The following COL24A1 variants were observed in gnomAD, a reference collection of about 807,000 sequenced individuals.
The protein encoded by COL24A1 is collagen alpha-1(XXIV) chain.
Under a neutral mutation model 253.9 loss-of-function variants are expected in COL24A1, and 224 were observed. The ratio of observed to expected loss-of-function variants is 0.88; its 90% confidence interval spans 0.79 to 0.99. The LOEUF (loss-of-function observed/expected upper bound fraction) is 0.99. Ranked by LOEUF, COL24A1 falls within the 50% of genes least tolerant of loss-of-function variation. The pLI is 0.00. For synonymous variants in COL24A1, 685 were observed against 673.7 expected (o/e 1.02, Z -0.26); for missense variants, 2,131 against 2,068.5 (o/e 1.03, Z -0.59).
intron 47 of COL24A1, among the ~76,000 whole-genome samples, chr1:85,791,392 GATACA>G (rs1288105441): frequency 1.3e-5 from 2 of 152,126 alleles, no homozygotes; most frequent in African/African-American, 4.8e-5. Flanking sequence ...ATTCTGCTAA[GATACA>G]ATACAACTGA....
At chr1:85,942,261 G>A (rs560266356) in intron 24 of COL24A1, among the ~76,000 whole-genome samples, 1 of 152,288 alleles carries the variant, frequency 6.6e-6, no homozygotes, top group East Asian at 1.9e-4. Flanking sequence ...TTTGAGATAT[G>A]CTGCAGAAAA....
intron 1 of COL24A1, among the ~76,000 whole-genome samples, chr1:86,153,266 T>C (rs1653022912): frequency 7.0e-6 from 1 of 143,248 alleles, no homozygotes; most frequent in Admixed American, 6.9e-5. Context: ...CTCCTCTCAT[T>C]TCGTTATACT....
At chr1:85,766,415 GA>G (rs1667387643) in intron 53 of COL24A1, among the ~76,000 whole-genome samples, 1 of 129,832 alleles carries the variant, frequency 7.7e-6, no homozygotes, top group South Asian at 2.6e-4. Flanking sequence ...AAAAGAAAAA[GA>G]AAATATATAT....
Position 85,970,266 on chromosome 1 carries a change from T to C in COL24A1, c.2424A>G (p.Glu808=), listed in dbSNP as rs768587948. ...CCCCAAAGGCTCCAATTGGTCCTTC[T>C]TCTCCCTTAAAAAAAAAAAAAGTCA... is the stretch of plus-strand genomic sequence containing the variant. The part of the protein sequence containing the change: ...GPPGLKGTQG[E]EGPIGAFGEL... The change falls in exon 22 of 60, where the codon GAA becomes GAG. Residue 808 remains glutamate (E), a synonymous_variant. Coordinates refer to ENST00000370571, the MANE Select transcript of COL24A1 (RefSeq NM_152890.7). 69 of 1,593,286 alleles carry C rather than the reference T, an allele frequency of 4.3e-5. 2 individuals are homozygous for C. The South Asian group carries it at 5.7e-4, about 13-fold the overall frequency.
At chr1:86,069,217 C>T (rs931858713) in intron 7 of COL24A1, among the ~76,000 whole-genome samples, 4 of 152,102 alleles carry the variant, frequency 2.6e-5, no homozygotes, top group South Asian at 2.1e-4. Context: ...ATTTCTGGAC[C>T]GTCCCTACTG....
At chr1:85,787,100 G>A (rs313711) in intron 47 of COL24A1, among the ~76,000 whole-genome samples, 125,770 of 152,034 alleles carry the variant, frequency 0.83, 53,517 homozygotes, top group Non-Finnish European at 0.92. Flanking sequence ...ATTTCAGTAT[G>A]TATTAAGTTT....
In COL24A1 at chr1:85,991,884, CTTGTA is replaced by C. The variant is rs879615313; in HGVS notation, c.2311-4235_2311-4231del. Among the ~76,000 whole-genome samples, 306 of 150,446 alleles carry C rather than the reference CTTGTA, an allele frequency of 2.0e-3. 6 individuals are homozygous for C. The highest frequency in any genetic ancestry group is 0.018 in the Admixed American group (272 of 15,134). ...ATTTTTTATTTTTTATTTTTATTGG[CTTGTA>C]TTTATTTATTTATTTTATTATTTTA... On this transcript the variant is annotated intron_variant, in intron 19 of 59. Coordinates refer to ENST00000370571, the MANE Select transcript of COL24A1 (RefSeq NM_152890.7).
At chr1:85,880,531 G>C (rs754686178) in intron 32 of COL24A1, among the ~76,000 whole-genome samples, 1 of 151,902 alleles carries the variant, frequency 6.6e-6, no homozygotes, top group Admixed American at 6.6e-5. Context: ...TATTGCACTA[G>C]CTAGGACTTC....
In COL24A1 at chr1:85,889,602, T is replaced by A. The variant is rs559859562; in HGVS notation, c.2934A>T (p.Gly978=). The A allele has an allele frequency of 5.3e-5, 86 of 1,613,292 alleles. No homozygotes were observed. In the South Asian group the frequency reaches 9.2e-4, roughly 17 times the overall value. The stretch of plus-strand genomic sequence containing the variant: ...CTCTGTCACCTGTACTTCCAGGCAA[T>A]CCCTGTAAACCCTGGACAAATAAAG... ...RGFQGKPGLQ[G]LPGSTGDRGL... Residue 978 remains glycine (G), a synonymous_variant, in exon 32 of 60, where the codon GGA becomes GGT. Transcript: ENST00000370571.
chr1:85,991,749 A>G (rs1461849935), intron 19 of COL24A1, among the ~76,000 whole-genome samples: 1 of 152,170 alleles, frequency 6.6e-6, no homozygotes, highest in Non-Finnish European at 1.5e-5. Flanking sequence ...GTCAAGGATA[A>G]TAGAAGAAAA....
In COL24A1 at chr1:86,126,229, A is replaced by G; in HGVS notation, c.122-15T>C. On this transcript the variant is annotated splice_polypyrimidine_tract_variant and intron_variant, in intron 2 of 59. Coordinates refer to ENST00000370571, the MANE Select transcript of COL24A1 (RefSeq NM_152890.7). ...AATATCTATGCCTGGAAATTTAAAA[A>G]AGAGAGAGAGAAAGAATCTTAATTT... 6.4e-7 allele frequency: 1 copy of G among 1,556,898 alleles called. No individual in the cohort carries two copies. The highest frequency in any genetic ancestry group is 8.6e-7 in the Non-Finnish European group (1 of 1,161,358).
At chr1:86,047,719 A>G (rs1463780979) in intron 11 of COL24A1, among the ~76,000 whole-genome samples, 12 of 151,982 alleles carry the variant, frequency 7.9e-5, no homozygotes. Context: ...ATATATGTAC[A>G]TATATAAAAC....
chr1:85,786,520 G>T, intron 47 of COL24A1, 59 bp from the exon 48 acceptor site: 2 of 1,495,876 alleles, frequency 1.3e-6, no homozygotes, highest in Non-Finnish European at 9.2e-7. Context: ...CAGTTTAGAG[G>T]CTCAATAAAA....
intron 20 of COL24A1, among the ~76,000 whole-genome samples, chr1:85,979,128 T>C (rs1380238128): frequency 6.6e-6 from 1 of 152,084 alleles, no homozygotes; most frequent in East Asian, 1.9e-4. Context: ...AATTAAAAAA[T>C]TATTTGAACT....
chr1:85,834,369 G>C (rs1675758568), intron 43 of COL24A1, among the ~76,000 whole-genome samples: 1 of 152,036 alleles, frequency 6.6e-6, no homozygotes, highest in African/African-American at 2.4e-5. Context: ...TTCATCTACT[G>C]GTTTAGACAT....
At chr1:86,064,821 G>T (rs566495898) in intron 7 of COL24A1, among the ~76,000 whole-genome samples, 1 of 152,154 alleles carries the variant, frequency 6.6e-6, no homozygotes, top group South Asian at 2.1e-4. Flanking sequence ...TTTAGAAGAG[G>T]TGCCTATTTG....
At chr1:85,769,416 T>C (rs996079298) in intron 53 of COL24A1, among the ~76,000 whole-genome samples, 1 of 151,924 alleles carries the variant, frequency 6.6e-6, no homozygotes, top group Non-Finnish European at 1.5e-5. Context: ...TAAGAGGACA[T>C]TTAAGTACAA....
chr1:85,982,058 A>G (rs1190712516), intron 20 of COL24A1, among the ~76,000 whole-genome samples: 2 of 152,198 alleles, frequency 1.3e-5, no homozygotes, highest in African/African-American at 4.8e-5. Context: ...AAAATGTGGT[A>G]TATACAAACA....
intron 28 of COL24A1, among the ~76,000 whole-genome samples, chr1:85,905,862 G>A (rs1404938785): frequency 2.0e-5 from 3 of 151,958 alleles, no homozygotes; most frequent in Non-Finnish European, 4.4e-5. Context: ...TTAACAAAAG[G>A]AACAAGTAAG....
Sources: gnomAD v4.1 joint callset for allele counts (sites outside exome capture counted in the v4.1 genomes callset) on GRCh38, gnomAD v4.1.1 for gene constraint, MANE v1.5 for transcripts, NCBI Gene and HGNC (gene_info 2026-07-23, HGNC 2026-07-21) for gene names.